B3GALT1: variants seen among roughly 807,000 people sequenced by gnomAD.
B3GALT1 encodes beta-1,3-galactosyltransferase 1.
A neutral mutation model predicts 23.2 loss-of-function variants in B3GALT1; 10 were observed. That is an observed-to-expected ratio of 0.43 (90% CI 0.27 to 0.73). The LOEUF is 0.73. B3GALT1 is among the 30% of genes least tolerant of loss of function. The probability of loss-of-function intolerance (pLI) is 0.21; values close to 1 mark genes in which losing one functional copy is unlikely to be tolerated. For missense variants in B3GALT1, 299 were observed against 405.4 expected, an observed-to-expected ratio of 0.74 and a Z score of 2.25; for synonymous variants, 156 against 141.5, an observed-to-expected ratio of 1.10 and a Z score of -0.73.
At chr2:167,451,145 A>T (rs1260266837) in intron 1 of B3GALT1, among the ~76,000 whole-genome samples, 1 of 151,750 alleles carries the variant, frequency 6.6e-6, no homozygotes, top group African/African-American at 2.4e-5. Context: ...CCTTTCTCTG[A>T]TCCCTCCTTG....
rs896771251 is a variant in B3GALT1, at chr2:167,872,628, A to C, written c.*2608A>C. ...AGTCAAACCACCTCTGGTGTCAAGA[A>C]ATTACACATTATAAACATCATATAT... On this transcript the variant is annotated 3_prime_UTR_variant, in exon 5 of 5. Coordinates refer to ENST00000392690, the MANE Select transcript of B3GALT1 (RefSeq NM_020981.4). 1 of 152,220 alleles carries C rather than the reference A, an allele frequency of 6.6e-6. No homozygotes were observed. The highest frequency in any genetic ancestry group is 2.1e-4 in the South Asian group (1 of 4,830). 9.4% of individuals were successfully genotyped at this position (152,220 alleles called of 1,614,324 possible).
chr2:167,648,332 T>C (rs1207332705), intron 3 of B3GALT1, among the ~76,000 whole-genome samples: 2 of 152,072 alleles, frequency 1.3e-5, no homozygotes, highest in African/African-American at 4.8e-5. Context: ...AAGATTCATA[T>C]CCAAACTCAA....
intron 2 of B3GALT1, among the ~76,000 whole-genome samples, chr2:167,609,091 CT>C (rs1255230382): frequency 6.6e-6 from 1 of 152,100 alleles, no homozygotes; most frequent in African/African-American, 2.4e-5. Flanking sequence ...CCATGACTTA[CT>C]TATATTTATA....
chr2:167,614,109 C>A (rs980970450), intron 2 of B3GALT1, among the ~76,000 whole-genome samples: 5 of 151,310 alleles, frequency 3.3e-5, no homozygotes, highest in Non-Finnish European at 4.4e-5. Context: ...GAAAAATTAA[C>A]AAAATTACTA....
chr2:167,526,214 T>C (rs1266330196), intron 2 of B3GALT1, among the ~76,000 whole-genome samples: 1 of 152,062 alleles, frequency 6.6e-6, no homozygotes, highest in Non-Finnish European at 1.5e-5. Context: ...CATATATGTA[T>C]AAAATTATGT....
chr2:167,841,716 G>T (rs1019085263), intron 4 of B3GALT1, among the ~76,000 whole-genome samples: 5 of 152,098 alleles, frequency 3.3e-5, no homozygotes, highest in Admixed American at 6.5e-5. Flanking sequence ...ACTGAGCCAT[G>T]CTCCTAATTA....
At position 167,826,247 on chromosome 2, in the gene B3GALT1, C is replaced by G. The variant is rs1689223414; in HGVS notation, c.-230+7454C>G. On this transcript the variant is annotated intron_variant, in intron 4 of 4. Coordinates refer to ENST00000392690, the MANE Select transcript of B3GALT1 (RefSeq NM_020981.4). ...TCAGTCCTCTCTACCACTCCACCCTCCAGGGCTCATGGCTTGATCCTCTCC... is the reference window on the plus strand; with the variant it reads ...TCAGTCCTCTCTACCACTCCACCCTGCAGGGCTCATGGCTTGATCCTCTCC... Among the ~76,000 whole-genome samples the G allele has an allele frequency of 3.9e-5, 6 of 152,140 alleles. No individual in the cohort carries two copies. In the South Asian group the frequency reaches 1.2e-3, roughly 32 times the overall value.
intron 2 of B3GALT1, among the ~76,000 whole-genome samples, chr2:167,565,742 AT>A (rs1447909833): frequency 6.6e-6 from 1 of 152,262 alleles, no homozygotes; most frequent in Non-Finnish European, 1.5e-5. Context: ...CAAAAGGCAC[AT>A]GAAAAAATGC....
intron 3 of B3GALT1, among the ~76,000 whole-genome samples, chr2:167,728,266 A>G (rs1450889425): frequency 6.6e-6 from 1 of 152,158 alleles, no homozygotes; most frequent in East Asian, 1.9e-4. Context: ...CACCACCTGT[A>G]ATTTCAGCTA....
rs546805502 is a variant in B3GALT1 at position 167,395,623 on chromosome 2, A to G, written c.-510-94554A>G. The stretch of plus-strand genomic sequence containing the variant: ...TAATAAATTTGTGTTGTTTTAAGCT[A>G]CTAAGTGTGGGTAACATTTCAAGCT... On this transcript the variant is annotated intron_variant, in intron 1 of 4. Coordinates refer to ENST00000392690, the MANE Select transcript of B3GALT1 (RefSeq NM_020981.4). Among the ~76,000 whole-genome samples the G allele has an allele frequency of 1.5e-4, 23 of 152,264 alleles. No homozygotes were observed. The East Asian group carries it at 4.3e-3, about 28-fold the overall frequency.
chr2:167,599,575 C>T (rs1052645922), intron 2 of B3GALT1, among the ~76,000 whole-genome samples: 13 of 152,104 alleles, frequency 8.5e-5, no homozygotes, highest in African/African-American at 2.2e-4. Flanking sequence ...TTTTTGTGGG[C>T]GTTTTCTTCC....
At position 167,869,474 on chromosome 2, in the gene B3GALT1, T is replaced by C. The variant is rs1478261299; in HGVS notation, c.435T>C (p.Phe145=). The change falls in exon 5 of 5, where the codon TTT becomes TTC. Residue 145 remains phenylalanine (F), a synonymous_variant. Transcript: ENST00000392690. This position sits in a 1 kb window ranked among gnomAD's most constrained non-coding sequence, Gnocchi z 6.4. ...TCCATGATATCATCGTGGAGGACTTTATTGACTCCTACCATAACCTTACCC... is the reference window on the plus strand; with the variant it reads ...TCCATGATATCATCGTGGAGGACTTCATTGACTCCTACCATAACCTTACCC... ...QIFHDIIVED[F]IDSYHNLTLK... 1 of 1,613,998 alleles carries C rather than the reference T, an allele frequency of 6.2e-7. No individual in the cohort carries two copies.
chr2:167,747,067 C>T (rs1687664491), intron 3 of B3GALT1, among the ~76,000 whole-genome samples: 1 of 152,160 alleles, frequency 6.6e-6, no homozygotes, highest in Non-Finnish European at 1.5e-5. Context: ...TGATTTAAAG[C>T]ATTGTGTCGA....
chr2:167,420,016 C>G (rs2105300977), intron 1 of B3GALT1, among the ~76,000 whole-genome samples: 1 of 152,260 alleles, frequency 6.6e-6, no homozygotes, highest in Admixed American at 6.5e-5. Context: ...GATGGGATCC[C>G]TCTTATAAGA....
At chr2:167,564,845 T>G (rs1237305059) in intron 2 of B3GALT1, among the ~76,000 whole-genome samples, 2 of 152,142 alleles carry the variant, frequency 1.3e-5, no homozygotes, top group African/African-American at 2.4e-5. Context: ...CACTGCTCAA[T>G]GAAATAAAAG....
At chr2:167,649,421 C>T (rs1685819917) in intron 3 of B3GALT1, among the ~76,000 whole-genome samples, 1 of 151,956 alleles carries the variant, frequency 6.6e-6, no homozygotes, top group Non-Finnish European at 1.5e-5. Flanking sequence ...TTTTGTCACC[C>T]CCAAAGGAAA....
intron 4 of B3GALT1, among the ~76,000 whole-genome samples, chr2:167,838,899 G>A (rs1307022049): frequency 1.3e-5 from 2 of 152,178 alleles, no homozygotes; most frequent in Non-Finnish European, 2.9e-5. Context: ...ATGTAATCCA[G>A]CATATAAACA....
At chr2:167,666,547 G>T (rs1158282858) in intron 3 of B3GALT1, among the ~76,000 whole-genome samples, 2 of 151,280 alleles carry the variant, frequency 1.3e-5, no homozygotes, top group Admixed American at 6.6e-5. Context: ...GTTGACAGTG[G>T]GGTGTTAAAG....
chr2:167,516,648 T>C (rs1483971455), intron 2 of B3GALT1, among the ~76,000 whole-genome samples: 1 of 152,060 alleles, frequency 6.6e-6, no homozygotes, highest in Non-Finnish European at 1.5e-5. Context: ...TTAATATAGG[T>C]TAAGATGCTC....
Sources: allele counts gnomAD v4.1 joint callset (sites outside exome capture counted in the v4.1 genomes callset), GRCh38; gene constraint gnomAD v4.1.1; non-coding constraint Gnocchi (gnomAD v3.1); transcripts MANE v1.5; gene names NCBI Gene and HGNC (gene_info 2026-07-23, HGNC 2026-07-21).